The following COG5 variants were observed in gnomAD, a reference collection of about 807,000 sequenced individuals.
COG5 encodes the protein component of oligomeric golgi complex 5.
In COG5, 86 loss-of-function variants were observed where a neutral mutation model predicts 110.4. That is an observed-to-expected ratio of 0.78 (90% CI 0.65 to 0.93). The LOEUF is 0.93. Ranked by LOEUF, COG5 falls within the 40% of genes least tolerant of loss-of-function variation. COG5 has a pLI of 0.00. For synonymous variants in COG5, 360 were observed against 334.6 expected, an observed-to-expected ratio of 1.08 and a Z score of -0.83; for missense variants, 1,077 against 987.0, an observed-to-expected ratio of 1.09 and a Z score of -1.22.
intron 6 of COG5, among the ~76,000 whole-genome samples, chr7:107,526,046 T>C (rs1212992027): frequency 6.6e-6 from 1 of 152,164 alleles, no homozygotes. Flanking sequence ...ACAAAAAATA[T>C]GGAATAAGCA....
chr7:107,262,971 A>C (rs1296916594), intron 14 of COG5, among the ~76,000 whole-genome samples: 1 of 152,200 alleles, frequency 6.6e-6, no homozygotes, highest in Non-Finnish European at 1.5e-5. Context: ...TCTATGTCTT[A>C]TTCAAATTTT....
At chr7:107,468,853 T>TGTA (rs1443569365) in intron 6 of COG5, among the ~76,000 whole-genome samples, 1 of 152,072 alleles carries the variant, frequency 6.6e-6, no homozygotes, top group Non-Finnish European at 1.5e-5. Context: ...TTTAGCCACA[T>TGTA]GTAATGTCCT....
chr7:107,390,138 G>A (rs770674506), intron 7 of COG5, among the ~76,000 whole-genome samples: 21 of 152,286 alleles, frequency 1.4e-4, no homozygotes, highest in East Asian at 9.6e-4. Context: ...AATTTGACAC[G>A]TGATTGGCAA....
chr7:107,523,515 G>A (rs999788321), intron 6 of COG5, among the ~76,000 whole-genome samples: 1 of 151,866 alleles, frequency 6.6e-6, no homozygotes, highest in Non-Finnish European at 1.5e-5. Flanking sequence ...AAATACTACT[G>A]GTAAGAATGT....
At chr7:107,397,776 TCA>T (rs1791119860) in intron 7 of COG5, among the ~76,000 whole-genome samples, 1 of 151,872 alleles carries the variant, frequency 6.6e-6, no homozygotes, top group Admixed American at 6.6e-5. Flanking sequence ...AAATAGAAAA[TCA>T]CACTTTCATA....
chr7:107,298,990 A>G (rs1004143543), intron 11 of COG5, among the ~76,000 whole-genome samples: 1 of 152,208 alleles, frequency 6.6e-6, no homozygotes, highest in African/African-American at 2.4e-5. Flanking sequence ...GAACTGAACG[A>G]AAATTTTAAC....
At chr7:107,428,683 T>C (rs1045721786) in intron 6 of COG5, among the ~76,000 whole-genome samples, 2 of 152,194 alleles carry the variant, frequency 1.3e-5, no homozygotes, top group Non-Finnish European at 2.9e-5. Context: ...AAACATCTTC[T>C]CTCTGTTATA....
At chr7:107,546,084 C>T (rs186618903) in intron 5 of COG5, among the ~76,000 whole-genome samples, 23 of 151,914 alleles carry the variant, frequency 1.5e-4, no homozygotes, top group Admixed American at 1.4e-3. Context: ...AAAAATTCAC[C>T]AAAAATTTCT....
At position 107,527,263 on chromosome 7, in the gene COG5, TTTG is replaced by T. The variant is rs1378219229; in HGVS notation, c.509_511del (p.Thr170del). 2 of 1,604,248 alleles carry T rather than the reference TTTG, an allele frequency of 1.2e-6. No homozygotes were observed. The highest frequency in any genetic ancestry group is 8.5e-7 in the Non-Finnish European group (1 of 1,174,420). On this transcript the variant is annotated inframe_deletion, in exon 6 of 22. Transcript: ENST00000297135. ...AAGTTCATTGAGACTCTGAGCAGCT[TTTG>T]TTATCTCTCTACTTCCCCCTTGCAG...
At chr7:107,303,416 GTTTT>G (rs1375412041) in intron 11 of COG5, among the ~76,000 whole-genome samples, 1 of 151,888 alleles carries the variant, frequency 6.6e-6, no homozygotes, top group Non-Finnish European at 1.5e-5. Flanking sequence ...TTGACACTAA[GTTTT>G]TTTGTTTGTT....
At chr7:107,513,901 G>C (rs1198244933) in intron 6 of COG5, among the ~76,000 whole-genome samples, 1 of 151,976 alleles carries the variant, frequency 6.6e-6, no homozygotes, top group Non-Finnish European at 1.5e-5. Context: ...ACTGTTGTGG[G>C]GTGGGGGAAG....
chr7:107,331,945 G>C (rs1810287553), intron 10 of COG5, among the ~76,000 whole-genome samples: 1 of 150,876 alleles, frequency 6.6e-6, no homozygotes, highest in Non-Finnish European at 1.5e-5. Context: ...GGGTCCAAAT[G>C]ATAAATGATT....
At chr7:107,481,134 G>T (rs571645507) in intron 6 of COG5, among the ~76,000 whole-genome samples, 1 of 152,088 alleles carries the variant, frequency 6.6e-6, no homozygotes, top group African/African-American at 2.4e-5. Flanking sequence ...AGATAAGGGA[G>T]GTGAGCTAAG....
chr7:107,245,078 T>A (rs1272706342), intron 17 of COG5, among the ~76,000 whole-genome samples: 1 of 152,190 alleles, frequency 6.6e-6, no homozygotes, highest in African/African-American at 2.4e-5. Flanking sequence ...TCAGTAAATG[T>A]GATTAATCAC....
chr7:107,363,889 A>G (rs1813355693), intron 8 of COG5, among the ~76,000 whole-genome samples: 1 of 151,678 alleles, frequency 6.6e-6, no homozygotes, highest in African/African-American at 2.4e-5. Flanking sequence ...CAGGAGGCGG[A>G]GGTTACAATG....
At chr7:107,389,215 G>C (rs541749465) in intron 7 of COG5, among the ~76,000 whole-genome samples, 10 of 152,088 alleles carry the variant, frequency 6.6e-5, no homozygotes, top group Non-Finnish European at 1.3e-4. Flanking sequence ...TTTACCCCCA[G>C]TGGGGTCCCT....
chr7:107,422,381 G>A lies in COG5; in HGVS notation c.539-9749C>T, dbSNP rs191717651. On this transcript the variant is annotated intron_variant, in intron 6 of 21. Transcript: ENST00000297135. ...TCTACTACTAAAAATACAAAAATTA[G>A]CCGGACATGGTGGCATGCCCCTGTA... Among the ~76,000 whole-genome samples the A allele has an allele frequency of 3.5e-3, 534 of 152,154 alleles. 7 individuals are homozygous for A. Among genetic ancestry groups the A allele is most frequent in the African/African-American group, 0.012 (502 of 41,496 alleles).
chr7:107,556,751 G>T (rs1274159781), intron 2 of COG5, among the ~76,000 whole-genome samples: 1 of 151,900 alleles, frequency 6.6e-6, no homozygotes, highest in East Asian at 1.9e-4. Flanking sequence ...CCCAAAGCTT[G>T]ACAATTAAGC....
intron 6 of COG5, among the ~76,000 whole-genome samples, chr7:107,441,501 G>C (rs535236326): frequency 6.6e-6 from 1 of 152,076 alleles, no homozygotes; most frequent in Admixed American, 6.6e-5. Context: ...AGAAATAAAG[G>C]TGTGCATTCA....
Sources: gnomAD v4.1 joint callset for allele counts (sites outside exome capture counted in the v4.1 genomes callset) on GRCh38, gnomAD v4.1.1 for gene constraint, MANE v1.5 for transcripts, NCBI Gene and HGNC (gene_info 2026-07-23, HGNC 2026-07-21) for gene names.